FAM131A: variants seen among roughly 807,000 people sequenced by gnomAD.
FAM131A encodes family with sequence similarity 131 member A.
In FAM131A, 24 loss-of-function variants were observed where a neutral mutation model predicts 39.2. The ratio of observed to expected loss-of-function variants is 0.61; its 90% confidence interval spans 0.44 to 0.86. The LOEUF is 0.86. FAM131A is among the 40% of genes least tolerant of loss of function. The pLI is 0.00. For missense variants in FAM131A, 373 were observed against 481.2 expected, an observed-to-expected ratio of 0.78 and a Z score of 2.10; for synonymous variants, 202 against 206.8, an observed-to-expected ratio of 0.98 and a Z score of 0.20.
intron 2 of FAM131A, 144 bp from the exon 3 acceptor site, chr3:184,341,580 T>C: frequency 1.5e-6 from 1 of 659,482 alleles, no homozygotes; most frequent in South Asian, 1.8e-5. Context: ...CTTATCATCT[T>C]ACATTTCCCT....
intron 1 of FAM131A, 83 bp downstream of exon 1, chr3:184,337,801 T>C: frequency 7.4e-7 from 1 of 1,351,382 alleles, no homozygotes; most frequent in Non-Finnish European, 1.0e-6. Context: ...GGAAAATTAC[T>C]CTGGCTTAGA....
chr3:184,337,478 C>T, upstream of FAM131A: 1 of 683,420 alleles, frequency 1.5e-6, no homozygotes, highest in Non-Finnish European at 2.5e-6. Context: ...CTCCTCAGAG[C>T]CATGAGGCAG....
chr3:184,341,399 TTCC>T (rs952676459), intron 2 of FAM131A: 58 of 397,918 alleles, frequency 1.5e-4, no homozygotes, highest in Non-Finnish European at 2.3e-4. Flanking sequence ...CTCTTCTTCC[TTCC>T]TCCTCTTCCC....
At position 184,345,302 on chromosome 3, in the gene FAM131A, G is replaced by A. The variant is rs970162254; in HGVS notation, c.*332G>A. 1.7e-6 allele frequency: 1 copy of A among 590,050 alleles called. No homozygotes were observed. Among genetic ancestry groups the A allele is most frequent in the African/African-American group, 1.9e-5 (1 of 53,398 alleles). 36.6% of individuals were successfully genotyped at this position (590,050 alleles called of 1,614,324 possible). A position where few individuals can be genotyped will look rare whatever the true frequency, so the allele number is the denominator to read the frequency against. The stretch of plus-strand genomic sequence containing the variant: ...CCTCGGATAATGTGAACCACTAAGG[G>A]GGTTGTGACTGGGCTGTGTGAGGGT... On this transcript the variant is annotated 3_prime_UTR_variant, in exon 6 of 6. Transcript: ENST00000383847.
upstream of FAM131A, chr3:184,337,500 T>C (rs560898403): frequency 5.1e-6 from 4 of 777,562 alleles, no homozygotes; most frequent in South Asian, 3.3e-5. Flanking sequence ...AATGTTCTCC[T>C]TATGTGACTA....
Position 184,345,438 on chromosome 3 carries a change from G to A in FAM131A, c.*468G>A. ...GTGCTTGATAGAATCACCCCCACCT[G>A]GAGGGGCTGGCTCCTGCCCTCCCGG... On this transcript the variant is annotated 3_prime_UTR_variant, in exon 6 of 6. Transcript: ENST00000383847. 1 of 682,562 alleles carries A rather than the reference G, an allele frequency of 1.5e-6. No individual in the cohort carries two copies. The highest frequency in any genetic ancestry group is 2.6e-6 in the Non-Finnish European group (1 of 379,232). 42.3% of individuals were successfully genotyped at this position (682,562 alleles called of 1,614,324 possible).
At chr3:184,338,685 T>TAGG in intron 2 of FAM131A, 156 bp downstream of exon 2, 1 of 906,642 alleles carries the variant, frequency 1.1e-6, no homozygotes, top group African/African-American at 1.7e-5. Context: ...CCCGTGCCGG[T>TAGG]CTGCTCTGCT....
At chr3:184,341,587 C>A in intron 2 of FAM131A, 137 bp from the exon 3 acceptor site, 1 of 672,050 alleles carries the variant, frequency 1.5e-6, no homozygotes, top group Non-Finnish European at 2.6e-6. Context: ...TCTTACATTT[C>A]CCTGTAGCCA....
At chr3:184,337,551 G>T (rs767456348), upstream of FAM131A, 41 of 1,343,728 alleles carry the variant, frequency 3.1e-5, no homozygotes, top group Non-Finnish European at 4.1e-5. Context: ...CTCAGCATCC[G>T]GAGCCAAAAC....
In FAM131A at chr3:184,338,532, G is replaced by T; in HGVS notation, c.231+3G>T. 6.5e-7 allele frequency: 1 copy of T among 1,535,466 alleles called. No individual in the cohort carries two copies. Among genetic ancestry groups the T allele is most frequent in the Non-Finnish European group, 8.7e-7 (1 of 1,146,222 alleles). The stretch of plus-strand genomic sequence containing the variant: ...TGGACAGTCAGGACTTGCCAGAGGT[G>T]CTGGGCCCCTGGTGGTGGGGGGAAG... On this transcript the variant is annotated splice_donor_region_variant and intron_variant, in intron 2 of 5. Transcript: ENST00000383847.
intron 1 of FAM131A, among the ~76,000 whole-genome samples, chr3:184,338,036 G>T (rs55768817): frequency 0.028 from 4,253 of 152,252 alleles, 102 homozygotes; most frequent in Middle Eastern, 0.072. Context: ...GCGGTGGTGG[G>T]GGGGACAGTG....
chr3:184,344,378 C>T, intron 5 of FAM131A, 117 bp from the exon 6 acceptor site: 1 of 972,968 alleles, frequency 1.0e-6, no homozygotes, highest in African/African-American at 1.6e-5. Context: ...TCAAGGTTAC[C>T]CAGCACCTAT....
intron 3 of FAM131A, 54 bp downstream of exon 3, chr3:184,341,871 C>T: frequency 6.3e-7 from 1 of 1,588,776 alleles, no homozygotes; most frequent in Non-Finnish European, 8.6e-7. Flanking sequence ...CTCCCGTTTG[C>T]ACATCCCTTT....
In FAM131A at chr3:184,341,837, T is replaced by C. The variant is rs1727394881; in HGVS notation, c.325+20T>C. ...TGCATGGTATGCAGCCCCTCCCATG[T>C]TTCTGGCCACTTTGTCCTTTCTCCT... is the stretch of plus-strand genomic sequence containing the variant. On this transcript the variant is annotated intron_variant, in intron 3 of 5. Coordinates refer to ENST00000383847, the MANE Select transcript of FAM131A (RefSeq NM_144635.5). The C allele has an allele frequency of 6.2e-7, 1 of 1,613,510 alleles. No homozygotes were observed. Among genetic ancestry groups the C allele is most frequent in the South Asian group, 1.1e-5 (1 of 91,076 alleles).
chr3:184,338,736 C>T, intron 2 of FAM131A: 1 of 571,042 alleles, frequency 1.8e-6, no homozygotes. Flanking sequence ...GCCTTCCGCG[C>T]TGACGTCAGC....
At position 184,338,549 on chromosome 3, in the gene FAM131A, G is replaced by C. The variant is rs754802471; in HGVS notation, c.231+20G>C. 1 of 1,534,734 alleles carries C rather than the reference G, an allele frequency of 6.5e-7. No homozygotes were observed. Among genetic ancestry groups the C allele is most frequent in the Non-Finnish European group, 8.7e-7 (1 of 1,145,850 alleles). Reference sequence around the variant, plus strand: ...CCAGAGGTGCTGGGCCCCTGGTGGTGGGGGGAAGGAGGACGTCATCCATAT... The same window carrying C: ...CCAGAGGTGCTGGGCCCCTGGTGGTCGGGGGAAGGAGGACGTCATCCATAT... On this transcript the variant is annotated intron_variant, in intron 2 of 5. Transcript: ENST00000383847.
chr3:184,344,359 G>A (rs1164690565), intron 5 of FAM131A, 136 bp from the exon 6 acceptor site: 2 of 744,678 alleles, frequency 2.7e-6, no homozygotes, highest in South Asian at 4.0e-5. Flanking sequence ...TCAAAAAGTT[G>A]TGACTGGTTC....
Position 184,337,609 on chromosome 3 carries a change from T to C in FAM131A, c.-22T>C, listed in dbSNP as rs547207412. On this transcript the variant is annotated 5_prime_UTR_variant, in exon 1 of 6. Transcript: ENST00000383847. ...CCTGGAGCGGTTCTGGGCTTTTGGT[T>C]CTCTGCATCAACACAGCCAGCATGC... 8.5e-6 allele frequency: 13 copies of C among 1,536,878 alleles called. No homozygotes were observed. In the South Asian group the frequency reaches 1.5e-4, roughly 18 times the overall value.
rs998980998 is a variant in FAM131A at position 184,345,710 on chromosome 3, G to A, written c.*740G>A. On this transcript the variant is annotated 3_prime_UTR_variant, in exon 6 of 6. Transcript: ENST00000383847. ...TTTCCCAACCCCTCCTAGGATGTGC[G>A]GGCAGTGTGCTGGCGCCTCACAGCC... 6.7e-5 allele frequency: 41 copies of A among 613,254 alleles called. No individual in the cohort carries two copies. The East Asian group carries it at 8.4e-4, about 13-fold the overall frequency. The allele number at this position is 613,254 out of a possible 1,614,324, so 38.0% of individuals were successfully genotyped here. A position where few individuals can be genotyped will look rare whatever the true frequency, so the allele number is the denominator to read the frequency against.
Sources: gnomAD v4.1 joint callset for allele counts (sites outside exome capture counted in the v4.1 genomes callset) on GRCh38, gnomAD v4.1.1 for gene constraint, MANE v1.5 for transcripts, NCBI Gene and HGNC (gene_info 2026-07-23, HGNC 2026-07-21) for gene names.